Variants in TBC1D5 observed in about 807,000 individuals in gnomAD.
TBC1D5 encodes TBC1 domain family, member 5.
In TBC1D5, 75 loss-of-function variants were observed where a neutral mutation model predicts 100.3. That is an observed-to-expected ratio of 0.75 (90% CI 0.62 to 0.91). The LOEUF (loss-of-function observed/expected upper bound fraction) is 0.91, where lower values mean the gene tolerates loss of function less well. Among genes scored for constraint, TBC1D5 ranks in the 40% least tolerant of loss-of-function variants. The probability of loss-of-function intolerance (pLI) is 0.00; values close to 1 mark genes in which losing one functional copy is unlikely to be tolerated. For missense variants in TBC1D5, 910 were observed against 942.4 expected, an observed-to-expected ratio of 0.97 and a Z score of 0.45; for synonymous variants, 323 against 325.6, an observed-to-expected ratio of 0.99 and a Z score of 0.09.
At chr3:17,216,200 T>C (rs1288128427) in intron 17 of TBC1D5, among the ~76,000 whole-genome samples, 1 of 152,134 alleles carries the variant, frequency 6.6e-6, no homozygotes, top group East Asian at 1.9e-4. Flanking sequence ...GGTTAGCTGA[T>C]AGCCTTTAGC....
At chr3:17,304,964 T>C (rs1291212697) in intron 14 of TBC1D5, among the ~76,000 whole-genome samples, 4 of 152,098 alleles carry the variant, frequency 2.6e-5, no homozygotes. Context: ...GTTGAAAAAG[T>C]AATGCATATA....
chr3:17,296,728 C>T (rs571458587), intron 14 of TBC1D5, among the ~76,000 whole-genome samples: 1 of 152,306 alleles, frequency 6.6e-6, no homozygotes, highest in East Asian at 1.9e-4. Context: ...TCTTTGAGCA[C>T]CATTCAATCA....
At chr3:17,316,649 CT>C (rs1174209933) in intron 13 of TBC1D5, among the ~76,000 whole-genome samples, 1 of 152,192 alleles carries the variant, frequency 6.6e-6, no homozygotes, top group Non-Finnish European at 1.5e-5. Context: ...GCATATTTCC[CT>C]TCTTGAAGGC....
chr3:17,670,436 T>A lies in TBC1D5; in HGVS notation c.-100-46523A>T, dbSNP rs148375877. ...AACCAGACCAGTCTAGGCTGTGCTT[T>A]CTTTCCAATTCTTCTCTGCCTCTTC... On this transcript the variant is annotated intron_variant, in intron 1 of 21. Coordinates refer to ENST00000253692, the Ensembl canonical transcript of TBC1D5. Among the ~76,000 whole-genome samples, 550 of 152,336 alleles carry A rather than the reference T, an allele frequency of 3.6e-3. 2 individuals are homozygous for A. The highest frequency in any genetic ancestry group is 5.0e-3 in the Non-Finnish European group (343 of 68,030).
At chr3:17,197,048 T>C (rs967810140) in intron 18 of TBC1D5, among the ~76,000 whole-genome samples, 1 of 152,150 alleles carries the variant, frequency 6.6e-6, no homozygotes, top group Non-Finnish European at 1.5e-5. Flanking sequence ...AACACAGATA[T>C]CTGCCAGCTA....
intron 18 of TBC1D5, among the ~76,000 whole-genome samples, chr3:17,213,053 T>C (rs1384397721): frequency 6.6e-6 from 1 of 152,202 alleles, no homozygotes; most frequent in Non-Finnish European, 1.5e-5. Context: ...CCAGGCTCCA[T>C]TCATAAGTGC....
chr3:17,556,613 T>C (rs1012021794), intron 2 of TBC1D5, among the ~76,000 whole-genome samples: 1 of 152,240 alleles, frequency 6.6e-6, no homozygotes, highest in Non-Finnish European at 1.5e-5. Context: ...GAAAGCTTAA[T>C]AGAATGCAAC....
rs2090237044 is a variant in TBC1D5, at chr3:17,348,963, C to A, written c.995+23112G>T. Among the ~76,000 whole-genome samples, 6 of 152,156 alleles carry A rather than the reference C, an allele frequency of 3.9e-5. No homozygotes were observed. In the South Asian group the frequency reaches 1.2e-3, roughly 32 times the overall value. On this transcript the variant is annotated intron_variant, in intron 13 of 21. Transcript: ENST00000253692. ...GTAACATGGAATTTAACTACAAATTCTATCATTACCTTGCAAAACGGGTAG... is the reference window on the plus strand; with the variant it reads ...GTAACATGGAATTTAACTACAAATTATATCATTACCTTGCAAAACGGGTAG...
chr3:17,590,812 A>C (rs1035840386), intron 2 of TBC1D5, among the ~76,000 whole-genome samples: 1 of 152,156 alleles, frequency 6.6e-6, no homozygotes, highest in African/African-American at 2.4e-5. Context: ...ATTCACGTAG[A>C]GCTTTGGCAT....
chr3:17,525,286 T>TA (rs2096119474), intron 2 of TBC1D5, among the ~76,000 whole-genome samples: 1 of 151,958 alleles, frequency 6.6e-6, no homozygotes, highest in East Asian at 1.9e-4. Flanking sequence ...CCCGCCACCA[T>TA]ACCCAGCTAA....
chr3:17,725,160 G>T (rs929808696), intron 1 of TBC1D5, among the ~76,000 whole-genome samples: 1 of 151,966 alleles, frequency 6.6e-6, no homozygotes, highest in Non-Finnish European at 1.5e-5. Flanking sequence ...TTGTGTGCTT[G>T]GTTATAATTT....
chr3:17,371,100 C>T (rs986573725), intron 13 of TBC1D5, among the ~76,000 whole-genome samples: 1 of 151,632 alleles, frequency 6.6e-6, no homozygotes, highest in Non-Finnish European at 1.5e-5. Flanking sequence ...CACACATGCA[C>T]ACCCACCCCT....
chr3:17,282,632 C>T (rs1002137671), intron 15 of TBC1D5, among the ~76,000 whole-genome samples: 3 of 152,180 alleles, frequency 2.0e-5, no homozygotes, highest in Admixed American at 2.0e-4. Context: ...AGTTTCATTG[C>T]TCTCTCAAGC....
chr3:17,700,399 C>T (rs1186396180), intron 1 of TBC1D5, among the ~76,000 whole-genome samples: 2 of 152,078 alleles, frequency 1.3e-5, no homozygotes, highest in African/African-American at 2.4e-5. Flanking sequence ...TAGGCAATAC[C>T]ATTCAGGACA....
intron 2 of TBC1D5, among the ~76,000 whole-genome samples, chr3:17,545,763 A>G (rs2096408728): frequency 6.6e-6 from 1 of 152,218 alleles, no homozygotes; most frequent in South Asian, 2.1e-4. Flanking sequence ...CCACTATGCC[A>G]ATTACATCAC....
At chr3:17,345,306 GAC>G (rs1197417815) in intron 13 of TBC1D5, among the ~76,000 whole-genome samples, 1 of 152,102 alleles carries the variant, frequency 6.6e-6, no homozygotes, top group Non-Finnish European at 1.5e-5. Flanking sequence ...GCAGCCAAAA[GAC>G]ACATGAAAAA....
chr3:17,719,395 A>G (rs2075511671), intron 1 of TBC1D5, among the ~76,000 whole-genome samples: 1 of 152,240 alleles, frequency 6.6e-6, no homozygotes, highest in Non-Finnish European at 1.5e-5. Context: ...AATCATAACT[A>G]GAAAAGCCCA....
At chr3:17,338,610 T>A (rs2088331048) in intron 13 of TBC1D5, 1 of 152,236 alleles carries the variant, frequency 6.6e-6, no homozygotes, top group South Asian at 2.1e-4. Context: ...GATGAGTATA[T>A]TTTATCATTA....
chr3:17,453,242 G>C (rs1411627704), intron 3 of TBC1D5, among the ~76,000 whole-genome samples: 1 of 151,548 alleles, frequency 6.6e-6, no homozygotes, highest in Non-Finnish European at 1.5e-5. Context: ...AACTAATGAT[G>C]CATTTTACAG....
Sources: allele counts gnomAD v4.1 joint callset (sites outside exome capture counted in the v4.1 genomes callset), GRCh38; gene constraint gnomAD v4.1.1; transcripts MANE v1.5; gene names NCBI Gene and HGNC (gene_info 2026-07-23, HGNC 2026-07-21).